GSTA2: variants seen among roughly 807,000 people sequenced by gnomAD.
GSTA2 encodes the protein glutathione S-transferase A2.
A neutral mutation model predicts 22.4 loss-of-function variants in GSTA2; 27 were observed. That is an observed-to-expected ratio of 1.21 (90% CI 0.89 to 1.67). The LOEUF is 1.67. Ranked by LOEUF, GSTA2 falls within the 40% of genes most tolerant of loss-of-function variation. GSTA2 has a pLI of 0.00. For synonymous variants in GSTA2, 121 were observed against 86.8 expected, an observed-to-expected ratio of 1.39 and a Z score of -2.19; for missense variants, 302 against 260.2, an observed-to-expected ratio of 1.16 and a Z score of -1.11.
chr6:52,756,355 A>T (rs1314495913), intron 2 of GSTA2, 46 bp from the exon 3 acceptor site: 3 of 1,445,514 alleles, frequency 2.1e-6, no homozygotes, highest in Non-Finnish European at 2.9e-6. Flanking sequence ...TCATTCTATT[A>T]TAGACCTGTG....
chr6:52,755,265 A>G (rs527541661), intron 3 of GSTA2, among the ~76,000 whole-genome samples, 190 bp from the exon 4 acceptor site: 2 of 142,412 alleles, frequency 1.4e-5, no homozygotes, highest in African/African-American at 5.4e-5. Context: ...TCCAGGCTGG[A>G]GTGGAGTGGT....
intron 1 of GSTA2, among the ~76,000 whole-genome samples, chr6:52,759,790 G>A (rs1410467345): frequency 6.6e-6 from 1 of 151,702 alleles, no homozygotes; most frequent in East Asian, 1.9e-4. Flanking sequence ...CAGCATGTTG[G>A]ACAGTCTGGT....
chr6:52,758,692 G>C (rs1009064), intron 1 of GSTA2, among the ~76,000 whole-genome samples: 113,890 of 152,198 alleles, frequency 0.75, 43,980 homozygotes, highest in African/African-American at 0.94. Flanking sequence ...ATTCTTTCAA[G>C]AGACAGAGAT....
chr6:52,753,321 C>T (rs1199763351), intron 4 of GSTA2, among the ~76,000 whole-genome samples: 1 of 152,120 alleles, frequency 6.6e-6, no homozygotes, highest in Admixed American at 6.6e-5. Flanking sequence ...ACTGCCAGTA[C>T]CCACTGATGC....
chr6:52,756,181 C>T (rs1271154388), intron 3 of GSTA2, 77 bp downstream of exon 3: 3 of 926,788 alleles, frequency 3.2e-6, no homozygotes, highest in Non-Finnish European at 5.4e-6. Context: ...CACCCATAGA[C>T]ATTGCCGGCT....
chr6:52,762,125 G>C (rs1019964297), intron 1 of GSTA2, among the ~76,000 whole-genome samples: 2 of 148,560 alleles, frequency 1.3e-5, no homozygotes, highest in African/African-American at 5.3e-5. Flanking sequence ...AAACACTGCG[G>C]AAGGCCGCAG....
At chr6:52,755,215 CTT>C (rs10626189) in intron 3 of GSTA2, 140 bp from the exon 4 acceptor site, 8,641 of 698,942 alleles carry the variant, frequency 0.012, 82 homozygotes, top group African/African-American at 0.063. Context: ...CTTGAAACAA[CTT>C]TTTTTTTTTT....
At chr6:52,762,950 G>C (rs1762976351) in intron 1 of GSTA2, among the ~76,000 whole-genome samples, 1 of 152,158 alleles carries the variant, frequency 6.6e-6, no homozygotes, top group South Asian at 2.1e-4. Context: ...ACTTGTCGTC[G>C]AGCTAATTAG....
chr6:52,761,019 G>A (rs1408376552), intron 1 of GSTA2, among the ~76,000 whole-genome samples: 2 of 152,182 alleles, frequency 1.3e-5, no homozygotes, highest in African/African-American at 4.8e-5. Flanking sequence ...TTATCAGAGA[G>A]AAGGGAGAAT....
Position 52,759,563 on chromosome 6 carries a change from G to GTTTTTT in GSTA2, c.-30-1592_-30-1587dup, listed in dbSNP as rs70977382. Among the ~76,000 whole-genome samples the GTTTTTT allele has an allele frequency of 5.1e-3, 174 of 34,192 alleles. 53 individuals are homozygous for GTTTTTT. The highest frequency in any genetic ancestry group is 6.7e-3 in the Non-Finnish European group (111 of 16,554). 22.4% of individuals were successfully genotyped at this position (34,192 alleles called of 152,430 possible). On this transcript the variant is annotated intron_variant, in intron 1 of 6. Coordinates refer to ENST00000493422, the MANE Select transcript of GSTA2 (RefSeq NM_000846.5). ...CCTTTAACAACTAATGTATTTATTT[G>GTTTTTT]TTTTTTTTTTTTTTTTTTTTTTTTT...
At position 52,757,987 on chromosome 6, in the gene GSTA2, T is replaced by C. The variant is rs1302192141; in HGVS notation, c.-30-10A>G. 4 of 1,259,868 alleles carry C rather than the reference T, an allele frequency of 3.2e-6. No homozygotes were observed. In the African/African-American group the frequency reaches 6.0e-5, roughly 19 times the overall value. The allele number at this position is 1,259,868 out of a possible 1,614,324, so 78.0% of individuals were successfully genotyped here. Reference sequence around the variant, plus strand: ...GGAGGTTTCTCTAAGCCTGAGTGAATGAATGAATGAATGAATGAATAATTG... The same window carrying C: ...GGAGGTTTCTCTAAGCCTGAGTGAACGAATGAATGAATGAATGAATAATTG... On this transcript the variant is annotated splice_polypyrimidine_tract_variant and intron_variant, in intron 1 of 6. Transcript: ENST00000493422.
chr6:52,756,193 C>A (rs559048086), intron 3 of GSTA2, 65 bp downstream of exon 3: 7 of 1,163,920 alleles, frequency 6.0e-6, no homozygotes, highest in Non-Finnish European at 9.1e-6. Flanking sequence ...TTGCCGGCTG[C>A]GCAAACCTCC....
At chr6:52,761,534 T>C (rs1315341457) in intron 1 of GSTA2, among the ~76,000 whole-genome samples, 3 of 146,180 alleles carry the variant, frequency 2.1e-5, no homozygotes, top group African/African-American at 4.9e-5. Flanking sequence ...TGTCATATGA[T>C]GGCTCTCTGT....
intron 5 of GSTA2, 49 bp from the exon 6 acceptor site, chr6:52,751,757 G>C: frequency 6.2e-7 from 1 of 1,613,494 alleles, no homozygotes. Flanking sequence ...ACCCAGGCTG[G>C]GACCCCTGCT....
chr6:52,761,039 C>T (rs1325669446), intron 1 of GSTA2, among the ~76,000 whole-genome samples: 3 of 152,106 alleles, frequency 2.0e-5, no homozygotes, highest in African/African-American at 7.2e-5. Flanking sequence ...TGAGATAAAC[C>T]ATGACTCCTT....
chr6:52,756,909 C>T (rs540934655), intron 2 of GSTA2, among the ~76,000 whole-genome samples: 1 of 152,020 alleles, frequency 6.6e-6, no homozygotes, highest in African/African-American at 2.4e-5. Context: ...TAGGGTCCCA[C>T]ACTAGCATTA....
rs770920641 is a variant in GSTA2, at chr6:52,750,737, G to A, written c.547-38C>T. Reference sequence around the variant, plus strand: ...AAGCACAGCCTCACTAAAACAACAAGTCAAGGGCTGACACCCCCATTAACA... The same window carrying A: ...AAGCACAGCCTCACTAAAACAACAAATCAAGGGCTGACACCCCCATTAACA... On this transcript the variant is annotated intron_variant, in intron 6 of 6. Coordinates refer to ENST00000493422, the MANE Select transcript of GSTA2 (RefSeq NM_000846.5). The A allele has an allele frequency of 1.3e-5, 21 of 1,608,088 alleles. 1 individual carries two copies. In the South Asian group the frequency reaches 2.3e-4, roughly 18 times the overall value.
At chr6:52,755,214 A>AATT in intron 3 of GSTA2, 139 bp from the exon 4 acceptor site, 12 of 873,982 alleles carry the variant, frequency 1.4e-5, no homozygotes, top group Middle Eastern at 2.8e-4. Flanking sequence ...ACTTGAAACA[A>AATT]CTTTTTTTTT....
chr6:52,750,812 C>G, intron 6 of GSTA2, 113 bp from the exon 7 acceptor site: 1 of 1,332,214 alleles, frequency 7.5e-7, no homozygotes, highest in Non-Finnish European at 1.0e-6. Context: ...TGAGTCGCTT[C>G]CACTTGGGTG....
Sources: allele counts gnomAD v4.1 joint callset (sites outside exome capture counted in the v4.1 genomes callset), GRCh38; gene constraint gnomAD v4.1.1; transcripts MANE v1.5; gene names NCBI Gene and HGNC (gene_info 2026-07-23, HGNC 2026-07-21).